Variants in MEF2A observed in about 807,000 individuals in gnomAD.
MEF2A encodes myocyte-specific enhancer factor 2A.
Under a neutral mutation model 55.8 loss-of-function variants are expected in MEF2A, and 28 were observed. That is an observed-to-expected ratio of 0.50 (90% CI 0.37 to 0.69). The LOEUF (loss-of-function observed/expected upper bound fraction) is 0.69. Among genes scored for constraint, MEF2A ranks in the 30% least tolerant of loss-of-function variants. The pLI, the probability that MEF2A is intolerant of heterozygous loss-of-function variation, is 0.00. For missense variants in MEF2A, 528 were observed against 626.2 expected (o/e 0.84, Z 1.67); for synonymous variants, 239 against 227.1 (o/e 1.05, Z -0.47).
At position 99,690,203 on chromosome 15, in the gene MEF2A, A is replaced by T. The variant is rs149286762; in HGVS notation, c.671-38A>T. The T allele has an allele frequency of 5.0e-5, 79 of 1,582,078 alleles. No individual in the cohort carries two copies. In the Admixed American group the frequency reaches 1.1e-3, roughly 23 times the overall value. On this transcript the variant is annotated intron_variant, in intron 7 of 11. Transcript: ENST00000557942. ...TTGTTTGTGCCAAAGTATTTTAATA[A>T]CTCTTCTCACTTTATTGAATGATAT...
chr15:99,578,542 G>C (rs2152820805), intron 1 of MEF2A, among the ~76,000 whole-genome samples: 1 of 152,268 alleles, frequency 6.6e-6, no homozygotes, highest in African/African-American at 2.4e-5. Context: ...CTTGTTTTGG[G>C]GGATAGCATT....
At chr15:99,626,310 G>T (rs2042044382) in intron 2 of MEF2A, among the ~76,000 whole-genome samples, 1 of 151,944 alleles carries the variant, frequency 6.6e-6, no homozygotes, top group Non-Finnish European at 1.5e-5. Flanking sequence ...AAGTTGTAAT[G>T]CCCCCACTTT....
At position 99,599,036 on chromosome 15, in the gene MEF2A, A is replaced by G. The variant is rs565877702; in HGVS notation, c.-143+525A>G. 5.9e-5 allele frequency among the ~76,000 whole-genome samples: 9 copies of G among 152,286 alleles called. No homozygotes were observed. The East Asian group carries it at 1.7e-3, about 29-fold the overall frequency. ...ACTTGGAATTTACTGCCTTAAATTA[A>G]TGGGTTCATATTTGCAAAGCTCAGG... On this transcript the variant is annotated intron_variant, in intron 2 of 11. Coordinates refer to ENST00000557942, the MANE Select transcript of MEF2A (RefSeq NM_001319206.4).
chr15:99,641,503 C>G (rs2044927797), intron 3 of MEF2A, among the ~76,000 whole-genome samples: 1 of 152,118 alleles, frequency 6.6e-6, no homozygotes, highest in Non-Finnish European at 1.5e-5. Context: ...GCGGGCGGAT[C>G]ACGAGGTCAG....
intron 1 of MEF2A, among the ~76,000 whole-genome samples, chr15:99,589,241 A>G (rs1433053395): frequency 6.6e-6 from 1 of 152,222 alleles, no homozygotes; most frequent in East Asian, 1.9e-4. Flanking sequence ...TATTCGATAC[A>G]GAATTATTTA....
At chr15:99,684,468 T>C (rs553079732) in intron 7 of MEF2A, among the ~76,000 whole-genome samples, 17 of 152,350 alleles carry the variant, frequency 1.1e-4, no homozygotes, top group African/African-American at 3.6e-4. Context: ...TAATTAGTGA[T>C]GTTGAGCATT....
At chr15:99,590,532 CTTTG>C (rs765533383) in intron 1 of MEF2A, among the ~76,000 whole-genome samples, 90 of 150,312 alleles carry the variant, frequency 6.0e-4, no homozygotes, top group Non-Finnish European at 1.1e-3. Flanking sequence ...ATCTTGCCAT[CTTTG>C]TTTTCTACTT....
chr15:99,631,200 A>G (rs1379518563), intron 2 of MEF2A, among the ~76,000 whole-genome samples: 1 of 152,226 alleles, frequency 6.6e-6, no homozygotes, highest in African/African-American at 2.4e-5. Flanking sequence ...AGTACACTGT[A>G]TCCATCTTAC....
intron 4 of MEF2A, among the ~76,000 whole-genome samples, chr15:99,665,681 T>C (rs1334009822): frequency 2.4e-5 from 3 of 127,222 alleles, no homozygotes; most frequent in South Asian, 2.5e-4. Flanking sequence ...TTGCGATCTA[T>C]CCATCTGACA....
chr15:99,569,216 T>G (rs2152694472), intron 1 of MEF2A, among the ~76,000 whole-genome samples: 1 of 152,338 alleles, frequency 6.6e-6, no homozygotes, highest in Non-Finnish European at 1.5e-5. Context: ...CTGCCCCGTG[T>G]TGGAATTAAA....
chr15:99,609,084 G>C (rs887583301), intron 2 of MEF2A, among the ~76,000 whole-genome samples: 1 of 152,158 alleles, frequency 6.6e-6, no homozygotes, highest in East Asian at 1.9e-4. Flanking sequence ...AGTGGCTTCT[G>C]CTACAGTTAA....
chr15:99,670,523 T>C (rs1396670968), intron 4 of MEF2A, among the ~76,000 whole-genome samples: 1 of 151,690 alleles, frequency 6.6e-6, no homozygotes, highest in Non-Finnish European at 1.5e-5. Context: ...GGCAGGAGAA[T>C]GGCATGAACC....
intron 7 of MEF2A, among the ~76,000 whole-genome samples, chr15:99,682,809 A>C (rs1428794587): frequency 6.6e-6 from 1 of 152,232 alleles, no homozygotes; most frequent in Non-Finnish European, 1.5e-5. Flanking sequence ...CTTCTTGATG[A>C]TGTGTGGCTC....
Position 99,649,246 on chromosome 15 carries a change from G to A in MEF2A, c.258+3482G>A, listed in dbSNP as rs1000801766. ...TGTATATATCCCCTACATTAAGAAA[G>A]CTGAATATATGATAAAGCAGACTTA... is the stretch of plus-strand genomic sequence containing the variant. On this transcript the variant is annotated intron_variant, in intron 4 of 11. Transcript: ENST00000557942. Among the ~76,000 whole-genome samples, 5 of 152,008 alleles carry A rather than the reference G, an allele frequency of 3.3e-5. No homozygotes were observed. In the East Asian group the frequency reaches 9.6e-4, roughly 29 times the overall value.
intron 4 of MEF2A, among the ~76,000 whole-genome samples, chr15:99,647,332 A>T (rs1361665871): frequency 6.6e-6 from 1 of 152,162 alleles, no homozygotes; most frequent in East Asian, 1.9e-4. Context: ...ATGTCTCATC[A>T]AAAGTTACAC....
intron 3 of MEF2A, among the ~76,000 whole-genome samples, chr15:99,643,519 A>C (rs936323257): frequency 6.6e-6 from 1 of 151,456 alleles, no homozygotes; most frequent in African/African-American, 2.4e-5. Context: ...TTGTTCCCAA[A>C]TGTATTTGTA....
intron 1 of MEF2A, among the ~76,000 whole-genome samples, chr15:99,566,829 G>C (rs1233073919): frequency 6.6e-6 from 1 of 152,090 alleles, no homozygotes; most frequent in Non-Finnish European, 1.5e-5. Context: ...ACCTGCGGTT[G>C]CGGACGCCCG....
intron 8 of MEF2A, among the ~76,000 whole-genome samples, chr15:99,694,762 T>C (rs1415975094): frequency 6.6e-6 from 1 of 152,224 alleles, no homozygotes; most frequent in Non-Finnish European, 1.5e-5. Context: ...GAGAAGGATA[T>C]CTACATAAAT....
chr15:99,648,025 A>G (rs1476472905), intron 4 of MEF2A, among the ~76,000 whole-genome samples: 1 of 152,164 alleles, frequency 6.6e-6, no homozygotes, highest in East Asian at 1.9e-4. Flanking sequence ...TTTTGCCAGT[A>G]GTGTAATGGC....
Sources: allele counts gnomAD v4.1 joint callset (sites outside exome capture counted in the v4.1 genomes callset), GRCh38; gene constraint gnomAD v4.1.1; transcripts MANE v1.5; gene names NCBI Gene and HGNC (gene_info 2026-07-23, HGNC 2026-07-21).